RCAN2: variants seen among roughly 807,000 people sequenced by gnomAD.
The protein encoded by RCAN2 is regulator of calcineurin 2.
In RCAN2, 9 loss-of-function variants were observed where a neutral mutation model predicts 23.6. That is an observed-to-expected ratio of 0.38 (90% CI 0.23 to 0.67). RCAN2 has a LOEUF of 0.67. Ranked by LOEUF, RCAN2 falls within the 30% of genes least tolerant of loss-of-function variation. RCAN2 has a pLI of 0.51. For missense variants in RCAN2, 273 were observed against 302.3 expected, an observed-to-expected ratio of 0.90 and a Z score of 0.72; for synonymous variants, 109 against 115.7, an observed-to-expected ratio of 0.94 and a Z score of 0.37.
At chr6:46,284,011 A>C (rs1372572142) in intron 2 of RCAN2, among the ~76,000 whole-genome samples, 1 of 152,186 alleles carries the variant, frequency 6.6e-6, no homozygotes, top group Admixed American at 6.5e-5. Flanking sequence ...GTTTAGAAAA[A>C]TTGGGAAATG....
intron 2 of RCAN2, among the ~76,000 whole-genome samples, chr6:46,368,791 C>T (rs1765247162): frequency 6.6e-6 from 1 of 152,018 alleles, no homozygotes; most frequent in African/African-American, 2.4e-5. Flanking sequence ...GAGTGAGTGG[C>T]GAGTGAATGT....
At chr6:46,262,983 T>G (rs1767164190) in intron 2 of RCAN2, among the ~76,000 whole-genome samples, 1 of 152,226 alleles carries the variant, frequency 6.6e-6, no homozygotes. Context: ...TGTGCTCCCA[T>G]AACAGTGTTG....
At chr6:46,483,938 A>C (rs1729862079) in intron 1 of RCAN2, among the ~76,000 whole-genome samples, 1 of 152,234 alleles carries the variant, frequency 6.6e-6, no homozygotes, top group Non-Finnish European at 1.5e-5. Context: ...CCATTAATTT[A>C]TCTGAATTTA....
chr6:46,309,086 G>A (rs1482367490), intron 2 of RCAN2, among the ~76,000 whole-genome samples: 1 of 152,188 alleles, frequency 6.6e-6, no homozygotes, highest in Non-Finnish European at 1.5e-5. Context: ...GAAAAGAGAT[G>A]GGGTAAGCCT....
At chr6:46,224,276 T>A (rs771061124) in intron 4 of RCAN2, among the ~76,000 whole-genome samples, 2 of 152,118 alleles carry the variant, frequency 1.3e-5, no homozygotes, top group Admixed American at 6.5e-5. Context: ...CTAATCTTAA[T>A]CCTCTCCGGA....
intron 2 of RCAN2, among the ~76,000 whole-genome samples, chr6:46,439,740 C>A (rs554028190): frequency 6.6e-6 from 1 of 152,104 alleles, no homozygotes; most frequent in Admixed American, 6.5e-5. Context: ...ACTTTCTCCT[C>A]CTCCTTCTAA....
chr6:46,456,903 A>C lies in RCAN2; in HGVS notation c.74T>G (p.Leu25Arg). 2 of 1,550,734 alleles carry C rather than the reference A, an allele frequency of 1.3e-6. No individual in the cohort carries two copies. ...QQGHVPEDGG[L>R]FLLCCIDRDW... Reference sequence around the variant, plus strand: ...CCTGTCTATGCAGCACAGTAAGAAAAGTCCTCCATCTTCAGGGACGTGTCC... The same window carrying C: ...CCTGTCTATGCAGCACAGTAAGAAACGTCCTCCATCTTCAGGGACGTGTCC... The change falls in exon 2 of 5, where the codon CTT becomes CGT. Residue 25 changes from leucine to arginine, a missense_variant. Coordinates refer to ENST00000371374, the MANE Select transcript of RCAN2 (RefSeq NM_001251974.2).
intron 2 of RCAN2, among the ~76,000 whole-genome samples, chr6:46,431,610 G>A (rs1767209676): frequency 6.6e-6 from 1 of 152,142 alleles, no homozygotes; most frequent in Non-Finnish European, 1.5e-5. Context: ...TGACCTATGT[G>A]ACACTAAAAA....
chr6:46,438,160 GGGCCTGAAAA>G (rs1767425876), intron 2 of RCAN2: 1 of 152,222 alleles, frequency 6.6e-6, no homozygotes, highest in Admixed American at 6.5e-5. Flanking sequence ...CACAAGAGGA[GGGCCTGAAAA>G]GTCCTGACAG....
chr6:46,488,303 A>T (rs1189238776), intron 1 of RCAN2, among the ~76,000 whole-genome samples: 4 of 152,244 alleles, frequency 2.6e-5, no homozygotes, highest in African/African-American at 9.6e-5. Context: ...ATCTGAGAAT[A>T]ACAACAGTGC....
chr6:46,452,882 C>A (rs1582214067), intron 2 of RCAN2, among the ~76,000 whole-genome samples: 1 of 152,024 alleles, frequency 6.6e-6, no homozygotes, highest in African/African-American at 2.4e-5. Flanking sequence ...CATGTGTATA[C>A]CTATGTAACA....
chr6:46,277,493 A>G (rs897533085), intron 2 of RCAN2, among the ~76,000 whole-genome samples: 1 of 152,196 alleles, frequency 6.6e-6, no homozygotes, highest in Admixed American at 6.5e-5. Context: ...TGCCCTATCA[A>G]TGGATCATGA....
chr6:46,305,662 A>T (rs1176144462), intron 2 of RCAN2, among the ~76,000 whole-genome samples: 1 of 152,042 alleles, frequency 6.6e-6, no homozygotes, highest in Non-Finnish European at 1.5e-5. Flanking sequence ...AAGTCCAACC[A>T]ATCAGCTACA....
intron 2 of RCAN2, among the ~76,000 whole-genome samples, chr6:46,409,392 T>G (rs568461855): frequency 6.6e-6 from 1 of 152,366 alleles, no homozygotes; most frequent in East Asian, 1.9e-4. Context: ...TAAATACCAC[T>G]TAACCCATTT....
In RCAN2 at chr6:46,410,652, C is replaced by T. The variant is rs556133410; in HGVS notation, c.225+46100G>A. On this transcript the variant is annotated intron_variant, in intron 2 of 4. Transcript: ENST00000371374. ...TTCTAATATTTACAGAATGTCTATT[C>T]TAGGCGAGGTTCCAGATTAGAAACT... is the stretch of plus-strand genomic sequence containing the variant. Among the ~76,000 whole-genome samples the T allele has an allele frequency of 5.9e-5, 9 of 152,300 alleles. No individual in the cohort carries two copies. The South Asian group carries it at 6.2e-4, about 11-fold the overall frequency.
At chr6:46,454,392 A>G (rs1313321779) in intron 2 of RCAN2, among the ~76,000 whole-genome samples, 1 of 152,208 alleles carries the variant, frequency 6.6e-6, no homozygotes, top group Non-Finnish European at 1.5e-5. Context: ...AGTCCCAGCA[A>G]TCATGCCTCC....
intron 2 of RCAN2, among the ~76,000 whole-genome samples, chr6:46,273,250 A>T (rs1237707343): frequency 6.6e-6 from 1 of 152,178 alleles, no homozygotes; most frequent in Non-Finnish European, 1.5e-5. Flanking sequence ...AGACTTTCTG[A>T]CATTTAGTCT....
At chr6:46,287,221 G>A (rs1193313612) in intron 2 of RCAN2, among the ~76,000 whole-genome samples, 1 of 152,194 alleles carries the variant, frequency 6.6e-6, no homozygotes, top group African/African-American at 2.4e-5. Flanking sequence ...TGTTCACAGA[G>A]TGACTCTACA....
Position 46,418,695 on chromosome 6 carries a change from GTATATATATATA to G in RCAN2, c.225+38045_225+38056del, listed in dbSNP as rs70996369. 5.5e-3 allele frequency among the ~76,000 whole-genome samples: 665 copies of G among 121,350 alleles called. 5 individuals are homozygous for G. Among genetic ancestry groups the G allele is most frequent in the African/African-American group, 0.016 (504 of 32,228 alleles). The allele number at this position is 121,350 out of a possible 152,430, so 79.6% of individuals were successfully genotyped here. On this transcript the variant is annotated intron_variant, in intron 2 of 4. Coordinates refer to ENST00000371374, the MANE Select transcript of RCAN2 (RefSeq NM_001251974.2). Reference sequence around the variant, plus strand: ...AATCATCTCTAAAATATGTGTGTGTGTATATATATATATATATATATATATATATATATATAC... The same window carrying G: ...AATCATCTCTAAAATATGTGTGTGTGTATATATATATATATATATATATAC...
Sources: allele counts gnomAD v4.1 joint callset (sites outside exome capture counted in the v4.1 genomes callset), GRCh38; gene constraint gnomAD v4.1.1; transcripts MANE v1.5; gene names NCBI Gene and HGNC (gene_info 2026-07-23, HGNC 2026-07-21).